COL14A1: variants seen among roughly 807,000 people sequenced by gnomAD.
COL14A1 encodes collagen alpha-1(XIV) chain.
COL14A1 carries 136 observed loss-of-function variants against 230.3 expected under a neutral mutation model. The ratio of observed to expected loss-of-function variants is 0.59; its 90% CI spans 0.51 to 0.68. The LOEUF (loss-of-function observed/expected upper bound fraction) is 0.68, where lower values mean the gene tolerates loss of function less well. Ranked by LOEUF, COL14A1 falls within the 30% of genes least tolerant of loss-of-function variation. The pLI is 0.00. For synonymous variants in COL14A1, 792 were observed against 784.1 expected (o/e 1.01, Z -0.17); for missense variants, 1,976 against 2,215.8 (o/e 0.89, Z 2.17).
intron 34 of COL14A1, among the ~76,000 whole-genome samples, chr8:120,294,505 A>T (rs1282285720): frequency 6.6e-6 from 1 of 151,108 alleles, no homozygotes; most frequent in Non-Finnish European, 1.5e-5. Context: ...TTACAAAAGT[A>T]AAAAAGGGCT....
chr8:120,175,966 T>C (rs762205295), intron 5 of COL14A1, among the ~76,000 whole-genome samples: 7 of 152,234 alleles, frequency 4.6e-5, no homozygotes, highest in Non-Finnish European at 1.0e-4. Flanking sequence ...TGATTCTTTT[T>C]TACTTGAAAC....
chr8:120,162,566 A>G lies in COL14A1; in HGVS notation c.346A>G (p.Arg116Gly), dbSNP rs1815716671. Residue 116 changes from arginine (R) to glycine (G), a missense_variant, in exon 4 of 48, where the codon AGA (arginine) becomes GGA (glycine). By Grantham distance (125) the Arg-to-Gly change is moderately radical. Coordinates refer to ENST00000297848, the MANE Select transcript of COL14A1 (RefSeq NM_021110.4). ...AAGCAAGCCAGCTCAAGGCCAATTC[A>G]GAAGTACGTATTTACAGTTCTCAAA... The part of the protein sequence containing the change: ...KESKPAQGQF[R>G]IKDLEKRKDP... 6.2e-7 allele frequency: 1 copy of G among 1,602,842 alleles called. No individual in the cohort carries two copies. The highest frequency in any genetic ancestry group is 8.5e-7 in the Non-Finnish European group (1 of 1,175,818).
At chr8:120,330,858 C>A (rs1821837340) in intron 40 of COL14A1, among the ~76,000 whole-genome samples, 1 of 152,102 alleles carries the variant, frequency 6.6e-6, no homozygotes, top group Non-Finnish European at 1.5e-5. Flanking sequence ...GTAATCCCAG[C>A]ACTTTGGGAG....
At chr8:120,329,854 A>G (rs1456798393) in intron 40 of COL14A1, among the ~76,000 whole-genome samples, 1 of 152,172 alleles carries the variant, frequency 6.6e-6, no homozygotes, top group East Asian at 1.9e-4. Flanking sequence ...ATAAAATGAA[A>G]TAGAATGAAA....
At chr8:120,313,888 AG>A in intron 37 of COL14A1, 43 bp from the exon 38 acceptor site, 1 of 1,120,170 alleles carries the variant, frequency 8.9e-7, no homozygotes, top group East Asian at 2.4e-5. Flanking sequence ...GATGTCAGAG[AG>A]TCTAACTTAC....
intron 5 of COL14A1, among the ~76,000 whole-genome samples, chr8:120,193,542 C>T (rs948689869): frequency 1.3e-5 from 2 of 152,210 alleles, no homozygotes; most frequent in African/African-American, 2.4e-5. Flanking sequence ...CTCAGATCTC[C>T]AGCTGCATGC....
Position 120,371,443 on chromosome 8 carries a change from A to G in COL14A1, c.*212A>G. The G allele has an allele frequency of 2.5e-6, 1 of 395,114 alleles. No individual in the cohort carries two copies. Among genetic ancestry groups the G allele is most frequent in the Non-Finnish European group, 4.4e-6 (1 of 224,934 alleles). The allele number at this position is 395,114 out of a possible 1,614,324, so 24.5% of individuals were successfully genotyped here. ...TCCCTTAATCTATGACATGGTAGCA[A>G]TGATTTCCCTTTGGTGTCTTAATGG... On this transcript the variant is annotated 3_prime_UTR_variant, in exon 48 of 48. Transcript: ENST00000297848.
At chr8:120,370,440 A>G in intron 47 of COL14A1, 1 of 1,577,446 alleles carries the variant, frequency 6.3e-7, no homozygotes, top group Non-Finnish European at 8.6e-7. Context: ...CCTGTCAACC[A>G]CCACCACCAC....
chr8:120,370,235 C>A, intron 47 of COL14A1: 1 of 1,247,668 alleles, frequency 8.0e-7, no homozygotes, highest in Non-Finnish European at 1.1e-6. Flanking sequence ...GAAATTTAAC[C>A]TTAGTTATCA....
At chr8:120,267,069 C>A (rs567148059) in intron 25 of COL14A1, 186 bp downstream of exon 25, 2 of 560,120 alleles carry the variant, frequency 3.6e-6, no homozygotes, top group Admixed American at 6.5e-5. Context: ...CAATTCTGCA[C>A]ACAAAGAGTG....
chr8:120,229,760 C>T (rs1479022231), intron 18 of COL14A1, among the ~76,000 whole-genome samples: 2 of 152,208 alleles, frequency 1.3e-5, no homozygotes, highest in African/African-American at 4.8e-5. Flanking sequence ...TCTCCACATC[C>T]TCTCCAGCAC....
At chr8:120,192,684 A>G (rs2130690618) in intron 5 of COL14A1, among the ~76,000 whole-genome samples, 1 of 152,094 alleles carries the variant, frequency 6.6e-6, no homozygotes, top group Non-Finnish European at 1.5e-5. Flanking sequence ...CAGGTAAACC[A>G]ATCAGACATA....
intron 40 of COL14A1, among the ~76,000 whole-genome samples, chr8:120,319,332 T>A (rs903679058): frequency 5.9e-5 from 9 of 151,854 alleles, no homozygotes; most frequent in African/African-American, 2.2e-4. Context: ...AATTTTTTTA[T>A]TTTATTTATT....
intron 8 of COL14A1, among the ~76,000 whole-genome samples, chr8:120,203,148 A>G (rs1054468155): frequency 6.6e-5 from 10 of 151,828 alleles, no homozygotes; most frequent in Non-Finnish European, 1.3e-4. Context: ...AACAGAAGTT[A>G]GTTTTATTAA....
chr8:120,323,101 T>C (rs1395244438), intron 40 of COL14A1, among the ~76,000 whole-genome samples: 5 of 152,240 alleles, frequency 3.3e-5, no homozygotes, highest in African/African-American at 4.8e-5. Flanking sequence ...TTTTTAATAA[T>C]AGGCATTCTG....
intron 20 of COL14A1, among the ~76,000 whole-genome samples, chr8:120,244,520 C>T (rs1423371384): frequency 2.6e-5 from 4 of 152,160 alleles, no homozygotes; most frequent in African/African-American, 9.7e-5. Context: ...TTGGTAGTCT[C>T]TTATCCCTCA....
Position 120,280,742 on chromosome 8 carries a change from T to A in COL14A1, c.3678T>A (p.Asp1226Glu), listed in dbSNP as rs143665135. Reference protein sequence around the residue: ...TCPVVHKDGIDLAGFKMMEMF... With the variant: ...TCPVVHKDGIELAGFKMMEMF... ...CAGTGGTACACAAGGATGGCATTGA[T>A]CTTGCAGGTATGCATTATCACAATC... Residue 1226 changes from aspartate to glutamate, a missense_variant, in exon 30 of 48, where the codon GAT becomes GAA. By Grantham distance (45) the Asp-to-Glu change is conservative. Transcript: ENST00000297848. 7.3e-5 allele frequency: 118 copies of A among 1,613,444 alleles called. No individual in the cohort carries two copies. Among genetic ancestry groups the A allele is most frequent in the Non-Finnish European group, 8.8e-5 (104 of 1,179,818 alleles).
At chr8:120,271,792 T>A (rs1390930759) in intron 26 of COL14A1, among the ~76,000 whole-genome samples, 1 of 150,974 alleles carries the variant, frequency 6.6e-6, no homozygotes, top group Non-Finnish European at 1.5e-5. Flanking sequence ...ATCAAAGGAG[T>A]TGAGTATTAT....
chr8:120,248,800 A>G (rs1818839460), intron 21 of COL14A1, among the ~76,000 whole-genome samples: 1 of 151,952 alleles, frequency 6.6e-6, no homozygotes, highest in Admixed American at 6.6e-5. Flanking sequence ...GGCTGCAGTG[A>G]GCTGTGATCA....
Sources: allele counts gnomAD v4.1 joint callset (sites outside exome capture counted in the v4.1 genomes callset), GRCh38; gene constraint gnomAD v4.1.1; transcripts MANE v1.5; gene names NCBI Gene and HGNC (gene_info 2026-07-23, HGNC 2026-07-21).